GRID2: variants seen among roughly 807,000 people sequenced by gnomAD.
The protein encoded by GRID2 is glutamate receptor ionotropic, delta-2.
Under a neutral mutation model 114.8 loss-of-function variants are expected in GRID2, and 33 were observed. The observed-to-expected ratio is 0.29, with a 90% CI of 0.22 to 0.38. The LOEUF (loss-of-function observed/expected upper bound fraction) is 0.38. Ranked by LOEUF, GRID2 falls within the 10% of genes least tolerant of loss-of-function variation. The pLI, the probability that GRID2 is intolerant of heterozygous loss-of-function variation, is 1.00. For missense variants in GRID2, 1,184 were observed against 1,257.7 expected, an observed-to-expected ratio of 0.94 and a Z score of 0.89; for synonymous variants, 505 against 449.9, an observed-to-expected ratio of 1.12 and a Z score of -1.55.
chr4:93,330,714 C>G (rs1036687696), intron 8 of GRID2, among the ~76,000 whole-genome samples: 1 of 152,124 alleles, frequency 6.6e-6, no homozygotes, highest in Admixed American at 6.5e-5. Flanking sequence ...TCTGTATACA[C>G]ACAATTCCAT....
intron 1 of GRID2, among the ~76,000 whole-genome samples, chr4:92,512,317 A>G (rs1360335916): frequency 6.6e-6 from 1 of 151,868 alleles, no homozygotes; most frequent in Non-Finnish European, 1.5e-5. Context: ...GTTATGAATA[A>G]TGCTGCTCTA....
intron 8 of GRID2, among the ~76,000 whole-genome samples, chr4:93,373,003 C>T (rs1413504313): frequency 6.6e-6 from 1 of 152,064 alleles, no homozygotes; most frequent in East Asian, 1.9e-4. Flanking sequence ...CCTTTTTAAG[C>T]TTGGTGGTGG....
At chr4:92,553,747 T>C (rs924097029) in intron 1 of GRID2, among the ~76,000 whole-genome samples, 3 of 151,944 alleles carry the variant, frequency 2.0e-5, no homozygotes, top group Non-Finnish European at 4.4e-5. Context: ...TGCATCTGGG[T>C]TCAAGCAATT....
At chr4:93,178,388 T>A (rs1241474474) in intron 4 of GRID2, among the ~76,000 whole-genome samples, 2 of 126,666 alleles carry the variant, frequency 1.6e-5, no homozygotes, top group Non-Finnish European at 3.3e-5. Context: ...AGATTTTTTT[T>A]TTTTTTTTTT....
intron 10 of GRID2, among the ~76,000 whole-genome samples, chr4:93,423,499 C>A (rs888257844): frequency 3.4e-4 from 52 of 151,096 alleles, no homozygotes; most frequent in Admixed American, 2.4e-3. Flanking sequence ...GGCGCCCGCC[C>A]CCACGCCCAG....
intron 1 of GRID2, among the ~76,000 whole-genome samples, chr4:92,394,510 G>T (rs1405798568): frequency 1.3e-5 from 2 of 151,834 alleles, no homozygotes; most frequent in Non-Finnish European, 2.9e-5. Flanking sequence ...TTGTTCACTG[G>T]TTACAATGCT....
At chr4:93,136,611 A>C (rs940316311) in intron 4 of GRID2, among the ~76,000 whole-genome samples, 1 of 152,200 alleles carries the variant, frequency 6.6e-6, no homozygotes, top group Non-Finnish European at 1.5e-5. Flanking sequence ...ACATAAAAAT[A>C]ATTTCAATAA....
intron 1 of GRID2, among the ~76,000 whole-genome samples, chr4:92,523,547 A>G (rs1361138738): frequency 2.0e-5 from 3 of 152,098 alleles, no homozygotes; most frequent in Non-Finnish European, 4.4e-5. Flanking sequence ...TGTGAAAGAA[A>G]TTATAGACTG....
intron 2 of GRID2, among the ~76,000 whole-genome samples, chr4:92,971,601 G>A (rs560684408): frequency 1.3e-5 from 2 of 151,828 alleles, no homozygotes; most frequent in African/African-American, 2.4e-5. Context: ...ATTGTTAATC[G>A]TATTCATGCT....
intron 2 of GRID2, among the ~76,000 whole-genome samples, chr4:92,618,547 T>A (rs548676502): frequency 6.6e-6 from 1 of 151,834 alleles, no homozygotes; most frequent in East Asian, 1.9e-4. Context: ...CTGTGAAGAA[T>A]GTCATGAATA....
At chr4:93,793,005 C>T (rs373282878) in intron 1 of GRID2, among the ~76,000 whole-genome samples, 4 of 152,146 alleles carry the variant, frequency 2.6e-5, no homozygotes, top group East Asian at 1.9e-4. Flanking sequence ...TAGCCATAGT[C>T]CTTTATAAGT....
intron 13 of GRID2, among the ~76,000 whole-genome samples, chr4:93,559,950 C>T (rs1734725988): frequency 6.6e-6 from 1 of 151,962 alleles, no homozygotes; most frequent in African/African-American, 2.4e-5. Flanking sequence ...AAGCTGGAAA[C>T]CATCATTCTC....
At chr4:92,861,828 C>T (rs995431166) in intron 2 of GRID2, among the ~76,000 whole-genome samples, 2 of 152,070 alleles carry the variant, frequency 1.3e-5, no homozygotes, top group East Asian at 1.9e-4. Context: ...ACCTTCCCAC[C>T]TCATTGAAAT....
chr4:92,816,437 C>A (rs1462659711), intron 2 of GRID2, among the ~76,000 whole-genome samples: 1 of 151,430 alleles, frequency 6.6e-6, no homozygotes, highest in East Asian at 1.9e-4. Context: ...CTTATTATTG[C>A]TCATACATTA....
At chr4:93,436,234 G>T (rs1721074104) in intron 10 of GRID2, among the ~76,000 whole-genome samples, 1 of 152,030 alleles carries the variant, frequency 6.6e-6, no homozygotes, top group South Asian at 2.1e-4. Flanking sequence ...CAGTTCTCAG[G>T]CAGGCTCTCC....
intron 8 of GRID2, among the ~76,000 whole-genome samples, chr4:93,260,147 T>C (rs957670594): frequency 1.3e-5 from 2 of 151,744 alleles, no homozygotes; most frequent in African/African-American, 4.8e-5. Flanking sequence ...ATTGATACTT[T>C]GCCCTACTGG....
chr4:92,922,054 C>T (rs1046260021), intron 2 of GRID2, among the ~76,000 whole-genome samples: 6 of 152,146 alleles, frequency 3.9e-5, no homozygotes, highest in Non-Finnish European at 8.8e-5. Flanking sequence ...TTGTGGGAGC[C>T]CCTCCCTCAG....
At chr4:93,267,159 C>G (rs975548433) in intron 8 of GRID2, among the ~76,000 whole-genome samples, 3 of 148,078 alleles carry the variant, frequency 2.0e-5, no homozygotes, top group African/African-American at 7.5e-5. Context: ...GAATAGTACA[C>G]ACATTTCTTT....
At chr4:93,593,397 G>C (rs1241674787) in intron 13 of GRID2, among the ~76,000 whole-genome samples, 1 of 132,640 alleles carries the variant, frequency 7.5e-6, no homozygotes, top group Non-Finnish European at 1.6e-5. Context: ...CTCTCTTCTG[G>C]CTTGTAGGGT....
Sources: gnomAD v4.1 joint callset for allele counts (sites outside exome capture counted in the v4.1 genomes callset) on GRCh38, gnomAD v4.1.1 for gene constraint, MANE v1.5 for transcripts, NCBI Gene and HGNC (gene_info 2026-07-23, HGNC 2026-07-21) for gene names.